The following TACC2 variants were observed in gnomAD, a reference collection of about 807,000 sequenced individuals.
TACC2 encodes transforming acidic coiled-coil-containing protein 2.
Under a neutral mutation model 227.3 loss-of-function variants are expected in TACC2, and 137 were observed. That is an observed-to-expected ratio of 0.60 (90% CI 0.52 to 0.69). The LOEUF (loss-of-function observed/expected upper bound fraction) is 0.69, where lower values mean the gene tolerates loss of function less well. Among genes scored for constraint, TACC2 ranks in the 30% least tolerant of loss-of-function variants. The probability of loss-of-function intolerance (pLI) is 0.00; values close to 1 mark genes in which losing one functional copy is unlikely to be tolerated. For missense variants in TACC2, 3,470 were observed against 3,694.4 expected, an observed-to-expected ratio of 0.94 and a Z score of 1.57; for synonymous variants, 1,523 against 1,487.5, an observed-to-expected ratio of 1.02 and a Z score of -0.55.
At chr10:122,163,718 C>T (rs1295293683) in intron 7 of TACC2, 25 of 1,143,858 alleles carry the variant, frequency 2.2e-5, no homozygotes, top group Non-Finnish European at 2.4e-5. Context: ...CGCACACATA[C>T]GCGGCGCTCG....
At chr10:122,033,176 G>T in intron 2 of TACC2, 1 of 1,285,784 alleles carries the variant, frequency 7.8e-7, no homozygotes, top group Non-Finnish European at 1.0e-6. Flanking sequence ...GTGCTGTTCT[G>T]CATGGCTTCC....
intron 1 of TACC2, among the ~76,000 whole-genome samples, chr10:122,020,671 G>A (rs1467816396): frequency 6.6e-6 from 1 of 152,024 alleles, no homozygotes; most frequent in Non-Finnish European, 1.5e-5. Context: ...CCAACTTTTG[G>A]CCTCCCCAAA....
chr10:122,037,969 G>C (rs1278411757), intron 2 of TACC2, among the ~76,000 whole-genome samples: 1 of 152,154 alleles, frequency 6.6e-6, no homozygotes, highest in African/African-American at 2.4e-5. Context: ...GAGAATAAAA[G>C]GAGTGCACTC....
chr10:122,022,110 A>G (rs955286126), intron 2 of TACC2, 96 bp downstream of exon 2: 1 of 1,266,628 alleles, frequency 7.9e-7, no homozygotes, highest in African/African-American at 1.5e-5. Flanking sequence ...CCCAGGAAGG[A>G]GCAAACAAGA....
At chr10:122,252,744 C>T (rs1307002854) in intron 22 of TACC2, among the ~76,000 whole-genome samples, 2 of 152,168 alleles carry the variant, frequency 1.3e-5, no homozygotes, top group African/African-American at 2.4e-5. Flanking sequence ...CCACCCGCCT[C>T]GGCCTCCCAA....
intron 7 of TACC2, among the ~76,000 whole-genome samples, chr10:122,157,824 C>T (rs1445843232): frequency 1.3e-5 from 2 of 150,046 alleles, no homozygotes; most frequent in Non-Finnish European, 2.9e-5. Flanking sequence ...AAATATCAAG[C>T]CAGCAATGGT....
intron 7 of TACC2, among the ~76,000 whole-genome samples, chr10:122,171,738 G>A (rs1565497752): frequency 6.6e-6 from 1 of 152,182 alleles, no homozygotes; most frequent in Admixed American, 6.5e-5. Context: ...TCAAATCAGA[G>A]GCCTCTTCCC....
intron 1 of TACC2, among the ~76,000 whole-genome samples, chr10:122,019,591 T>A (rs1656231911): frequency 6.6e-6 from 1 of 152,196 alleles, no homozygotes; most frequent in African/African-American, 2.4e-5. Context: ...CCTGCTGATG[T>A]AATAACGGGG....
At position 122,085,393 on chromosome 10, in the gene TACC2, G is replaced by A. The variant is rs1265484100; in HGVS notation, c.2893G>A (p.Ala965Thr). 1.9e-6 allele frequency: 3 copies of A among 1,614,030 alleles called. No homozygotes were observed. The highest frequency in any genetic ancestry group is 2.5e-6 in the Non-Finnish European group (3 of 1,180,048). The change falls in exon 4 of 23, where the codon GCA becomes ACA. Residue 965 changes from alanine (A) to threonine (T), a missense_variant. Transcript: ENST00000369005. ...TCAGTCCTCGAGGGTCTCGCCTCCAGCAGCAGATGTCTTAAAAGACTTTTC... is the reference window on the plus strand; with the variant it reads ...TCAGTCCTCGAGGGTCTCGCCTCCAACAGCAGATGTCTTAAAAGACTTTTC... ...DGQSSRVSPP[A>T]ADVLKDFSLA...
At chr10:122,164,804 C>A (rs2093052961) in intron 7 of TACC2, among the ~76,000 whole-genome samples, 1 of 152,140 alleles carries the variant, frequency 6.6e-6, no homozygotes. Context: ...CCCCACTTTT[C>A]CAGAGAGAAG....
intron 2 of TACC2, among the ~76,000 whole-genome samples, chr10:122,031,898 C>T (rs897744069): frequency 2.0e-5 from 3 of 151,462 alleles, no homozygotes; most frequent in African/African-American, 2.4e-5. Flanking sequence ...AGTAGAGATG[C>T]GGTCTCACTA....
At chr10:122,011,933 G>GTTTTT (rs1327839094) in intron 1 of TACC2, among the ~76,000 whole-genome samples, 1 of 151,876 alleles carries the variant, frequency 6.6e-6, no homozygotes, top group African/African-American at 2.4e-5. Flanking sequence ...TTTTGTTTTT[G>GTTTTT]TTTGCTGGTT....
intron 11 of TACC2, among the ~76,000 whole-genome samples, chr10:122,221,345 T>C (rs2095519985): frequency 6.6e-6 from 1 of 152,208 alleles, no homozygotes; most frequent in South Asian, 2.1e-4. Flanking sequence ...GAACTATTGG[T>C]CTACACAGCT....
chr10:122,202,013 C>CTTTTTTT (rs767544440), intron 8 of TACC2, among the ~76,000 whole-genome samples: 18 of 102,302 alleles, frequency 1.8e-4, no homozygotes, highest in South Asian at 6.6e-4. Flanking sequence ...TCTTCTTTAG[C>CTTTTTTT]TTTTTTTTTT....
chr10:122,220,083 A>G (rs1195898910), intron 11 of TACC2, among the ~76,000 whole-genome samples: 2 of 151,952 alleles, frequency 1.3e-5, no homozygotes, highest in African/African-American at 4.8e-5. Flanking sequence ...TGAGCTGGAC[A>G]TATGATTTTG....
intron 3 of TACC2, among the ~76,000 whole-genome samples, chr10:122,069,425 G>T (rs1308203598): frequency 6.6e-6 from 1 of 151,916 alleles, no homozygotes; most frequent in Non-Finnish European, 1.5e-5. Context: ...ATATTTTTTA[G>T]TAGAGATGGG....
chr10:122,194,257 G>A lies in TACC2; in HGVS notation c.5835-783G>A, dbSNP rs966325506. On this transcript the variant is annotated intron_variant, in intron 7 of 22. Coordinates refer to ENST00000369005, the MANE Select transcript of TACC2 (RefSeq NM_206862.4). This position sits in a 1 kb window ranked among gnomAD's most constrained non-coding sequence, Gnocchi z 4.4. ...CCTCTTCAACCCAGGCCAAGGCTTG[G>A]CCAGTGGCCTCTCCTTGTTAGTGGG... Among the ~76,000 whole-genome samples, 1 of 152,208 alleles carries A rather than the reference G, an allele frequency of 6.6e-6. No individual in the cohort carries two copies. Among genetic ancestry groups the A allele is most frequent in the African/African-American group, 2.4e-5 (1 of 41,458 alleles).
chr10:122,077,850 T>C (rs768639971), intron 3 of TACC2, among the ~76,000 whole-genome samples: 7 of 152,042 alleles, frequency 4.6e-5, no homozygotes, highest in African/African-American at 1.4e-4. Flanking sequence ...GTGTGTACAA[T>C]GGGGCCACCC....
intron 1 of TACC2, among the ~76,000 whole-genome samples, chr10:122,006,449 A>G (rs1009049294): frequency 2.8e-5 from 4 of 141,386 alleles, no homozygotes; most frequent in African/African-American, 1.0e-4. Context: ...ACTCAGTCTC[A>G]AAAAATAAAT....
Sources: gnomAD v4.1 joint callset for allele counts (sites outside exome capture counted in the v4.1 genomes callset) on GRCh38, gnomAD v4.1.1 for gene constraint, Gnocchi (gnomAD v3.1) non-coding constraint, MANE v1.5 for transcripts, NCBI Gene and HGNC (gene_info 2026-07-23, HGNC 2026-07-21) for gene names.